EHBP1: variants seen among roughly 807,000 people sequenced by gnomAD.
The protein encoded by EHBP1 is EH domain binding protein 1.
A neutral mutation model predicts 144.0 loss-of-function variants in EHBP1; 55 were observed. That is an observed-to-expected ratio of 0.38 (90% CI 0.31 to 0.48). EHBP1 has a LOEUF of 0.48. EHBP1 is among the 20% of genes least tolerant of loss of function. EHBP1 has a pLI of 0.98. For missense variants in EHBP1, 1,200 were observed against 1,364.2 expected (o/e 0.88, Z 1.90); for synonymous variants, 469 against 472.7 (o/e 0.99, Z 0.10).
intron 5 of EHBP1, among the ~76,000 whole-genome samples, chr2:62,796,216 T>C (rs2043525381): frequency 6.6e-6 from 1 of 152,058 alleles, no homozygotes; most frequent in African/African-American, 2.4e-5. Flanking sequence ...CTTCAGTCCT[T>C]TTTACAGAGC....
At chr2:62,827,712 G>T (rs1452620882) in intron 6 of EHBP1, among the ~76,000 whole-genome samples, 1 of 151,486 alleles carries the variant, frequency 6.6e-6, no homozygotes, top group East Asian at 1.9e-4. Context: ...CTGTCACCCA[G>T]GCTGGAGTGC....
intron 5 of EHBP1, among the ~76,000 whole-genome samples, chr2:62,802,719 C>CTTT (rs573491673): frequency 7.2e-4 from 83 of 115,614 alleles, no homozygotes; most frequent in Non-Finnish European, 8.6e-4. Flanking sequence ...TGGGATCATA[C>CTTT]TTTTTTTTTT....
At chr2:62,791,995 A>C (rs2043194404) in intron 5 of EHBP1, among the ~76,000 whole-genome samples, 1 of 152,014 alleles carries the variant, frequency 6.6e-6, no homozygotes, top group Non-Finnish European at 1.5e-5. Flanking sequence ...TTTGCTCATA[A>C]AGTGTTTCAG....
At chr2:63,032,566 CAAAAAAAAAA>C (rs35237077) in intron 19 of EHBP1, among the ~76,000 whole-genome samples, 6 of 28,292 alleles carry the variant, frequency 2.1e-4, no homozygotes, top group African/African-American at 1.5e-4. Flanking sequence ...GACTCTGTCT[CAAAAAAAAAA>C]AAAAAAAAAA....
rs779343183 is a variant in EHBP1 at position 62,859,275 on chromosome 2, A to C, written c.741A>C (p.Gly247=). The C allele has an allele frequency of 1.9e-6, 3 of 1,605,156 alleles. No individual in the cohort carries two copies. In the South Asian group the frequency reaches 3.3e-5, roughly 18 times the overall value. The change falls in exon 8 of 23, where the codon GGA becomes GGC. Residue 247 remains glycine, a synonymous_variant. Coordinates refer to ENST00000431489, the MANE Select transcript of EHBP1 (RefSeq NM_001142616.3). ...ATGCTGCAGAATTAAATCCATTTGG[A>C]GATCCTGACTCAGAAGGTAGCAAGT... The part of the protein sequence containing the change: ...DPDAAELNPF[G]DPDSEEPITE...
At chr2:62,884,956 C>T (rs1223238444) in intron 10 of EHBP1, among the ~76,000 whole-genome samples, 1 of 152,172 alleles carries the variant, frequency 6.6e-6, no homozygotes, top group Non-Finnish European at 1.5e-5. Flanking sequence ...AAAAGATCAG[C>T]ATCTGGGCCA....
At chr2:62,753,720 C>T (rs2039983332) in intron 3 of EHBP1, among the ~76,000 whole-genome samples, 1 of 152,110 alleles carries the variant, frequency 6.6e-6, no homozygotes, top group South Asian at 2.1e-4. Context: ...TTTCTCTAAA[C>T]TTCTCACTTC....
intron 10 of EHBP1, among the ~76,000 whole-genome samples, chr2:62,936,403 A>G (rs1008908858): frequency 5.3e-5 from 8 of 152,182 alleles, no homozygotes; most frequent in South Asian, 2.1e-4. Context: ...GTCTTTTCAA[A>G]GAAGCAATTT....
At chr2:62,835,085 C>T (rs1199625462) in intron 7 of EHBP1, among the ~76,000 whole-genome samples, 1 of 151,886 alleles carries the variant, frequency 6.6e-6, no homozygotes, top group Non-Finnish European at 1.5e-5. Flanking sequence ...TGAAATTTTG[C>T]CTGTTGATAT....
At chr2:62,826,486 T>C in intron 6 of EHBP1, 1 of 392,536 alleles carries the variant, frequency 2.5e-6, no homozygotes, top group Non-Finnish European at 4.5e-6. Context: ...GCACAGCTGG[T>C]TTCAAAATTT....
At chr2:62,841,142 A>G (rs1278474265) in intron 7 of EHBP1, among the ~76,000 whole-genome samples, 1 of 152,202 alleles carries the variant, frequency 6.6e-6, no homozygotes, top group Non-Finnish European at 1.5e-5. Context: ...CATATACACC[A>G]TGGAATATTA....
intron 5 of EHBP1, among the ~76,000 whole-genome samples, chr2:62,824,291 G>C (rs1235911191): frequency 1.3e-5 from 2 of 151,930 alleles, no homozygotes; most frequent in Non-Finnish European, 2.9e-5. Flanking sequence ...AAACAGATTT[G>C]TTTAACAAAA....
intron 2 of EHBP1, among the ~76,000 whole-genome samples, chr2:62,731,706 A>G (rs769401348): frequency 9.9e-5 from 15 of 152,142 alleles, no homozygotes; most frequent in Non-Finnish European, 1.9e-4. Flanking sequence ...AATGATTTTT[A>G]TAATAATTGG....
intron 13 of EHBP1, among the ~76,000 whole-genome samples, chr2:62,953,720 A>G (rs1212789290): frequency 3.3e-5 from 5 of 151,888 alleles, no homozygotes; most frequent in African/African-American, 9.7e-5. Context: ...TTTAACTTGT[A>G]TTTATTTTCT....
intron 1 of EHBP1, among the ~76,000 whole-genome samples, chr2:62,695,983 G>A (rs896147835): frequency 6.6e-6 from 1 of 152,056 alleles, no homozygotes; most frequent in Admixed American, 6.5e-5. Context: ...AAAGTGCTGG[G>A]ATTACAGGCA....
intron 20 of EHBP1, 23 bp downstream of exon 20, chr2:63,037,657 GT>G: frequency 7.2e-7 from 1 of 1,390,628 alleles, no homozygotes. Flanking sequence ...CATTATGCTT[GT>G]TTTGCCTACA....
intron 10 of EHBP1, among the ~76,000 whole-genome samples, chr2:62,922,081 A>G (rs894025126): frequency 5.9e-5 from 9 of 152,206 alleles, no homozygotes; most frequent in Non-Finnish European, 1.5e-5. Flanking sequence ...AGGCTGAGGC[A>G]GGAGAATCGC....
chr2:62,721,705 A>G (rs112660895), intron 2 of EHBP1, among the ~76,000 whole-genome samples: 183 of 152,154 alleles, frequency 1.2e-3, no homozygotes, highest in African/African-American at 4.0e-3. Flanking sequence ...TTCCTTCTAC[A>G]TTTATTTTTG....
At chr2:62,735,337 G>T (rs2038021775) in intron 2 of EHBP1, among the ~76,000 whole-genome samples, 1 of 151,200 alleles carries the variant, frequency 6.6e-6, no homozygotes, top group African/African-American at 2.4e-5. Context: ...ACTAATCCAG[G>T]TCCACTTTCA....
Sources: allele counts gnomAD v4.1 joint callset (sites outside exome capture counted in the v4.1 genomes callset), GRCh38; gene constraint gnomAD v4.1.1; transcripts MANE v1.5; gene names NCBI Gene and HGNC (gene_info 2026-07-23, HGNC 2026-07-21).